The following THRB variants were observed in gnomAD, a reference collection of about 807,000 sequenced individuals.
THRB encodes the protein nuclear receptor subfamily 1 group A member 2.
Under a neutral mutation model 47.8 loss-of-function variants are expected in THRB, and 12 were observed. The ratio of observed to expected loss-of-function variants is 0.25; its 90% CI spans 0.16 to 0.41. THRB has a LOEUF of 0.41. Among genes scored for constraint, THRB ranks in the 10% least tolerant of loss-of-function variants. The pLI, the probability that THRB is intolerant of heterozygous loss-of-function variation, is 1.00. For synonymous variants in THRB, 218 were observed against 212.2 expected (o/e 1.03, Z -0.24); for missense variants, 348 against 589.2 (o/e 0.59, Z 4.24).
chr3:24,168,490 AATATATATAT>A (rs370230507), intron 5 of THRB, among the ~76,000 whole-genome samples: 2 of 137,972 alleles, frequency 1.4e-5, no homozygotes, highest in Non-Finnish European at 3.2e-5. Context: ...TTCAATCAAT[AATATATATAT>A]ATATATATAT....
intron 1 of THRB, among the ~76,000 whole-genome samples, chr3:24,380,816 G>A (rs552225819): frequency 3.9e-5 from 6 of 152,160 alleles, no homozygotes; most frequent in South Asian, 2.1e-4. Flanking sequence ...AAGGTCACAC[G>A]GTCAAAATTT....
intron 4 of THRB, among the ~76,000 whole-genome samples, chr3:24,227,889 A>G (rs1440088878): frequency 6.6e-6 from 1 of 152,168 alleles, no homozygotes; most frequent in East Asian, 1.9e-4. Context: ...GCTGGAAGGT[A>G]TATAGCTGAG....
intron 5 of THRB, among the ~76,000 whole-genome samples, chr3:24,174,302 AGCTT>A (rs1391459838): frequency 6.6e-6 from 1 of 152,206 alleles, no homozygotes; most frequent in African/African-American, 2.4e-5. Context: ...TTTTCGTTAC[AGCTT>A]GCTTATCTCT....
Position 24,218,340 on chromosome 3 carries a change from CTCTTTTTTT to C in THRB, c.22+10589_22+10597del, listed in dbSNP as rs2046817358. 3.4e-5 allele frequency among the ~76,000 whole-genome samples: 4 copies of C among 117,288 alleles called. No individual in the cohort carries two copies. The East Asian group carries it at 6.8e-4, about 20-fold the overall frequency. 76.9% of individuals were successfully genotyped at this position (117,288 alleles called of 152,430 possible). A position where few individuals can be genotyped will look rare whatever the true frequency, so the allele number is the denominator to read the frequency against. On this transcript the variant is annotated intron_variant, in intron 4 of 10. Coordinates refer to ENST00000646209, the MANE Select transcript of THRB (RefSeq NM_001354712.2). ...AAATTTTTTGTCTCTCTCTCTCTCT[CTCTTTTTTT>C]TTTTTTTTTTTTTAAAAAGAAAAGT...
At chr3:24,157,755 C>G (rs1323435276) in intron 5 of THRB, among the ~76,000 whole-genome samples, 1 of 152,142 alleles carries the variant, frequency 6.6e-6, no homozygotes, top group African/African-American at 2.4e-5. Flanking sequence ...TGGTCTTGAG[C>G]TCCTGGTTCA....
intron 4 of THRB, among the ~76,000 whole-genome samples, chr3:24,198,427 G>C (rs1234606510): frequency 7.2e-6 from 1 of 138,496 alleles, no homozygotes; most frequent in Non-Finnish European, 1.5e-5. Flanking sequence ...CAGAAATACA[G>C]TAAGTGTTCA....
chr3:24,356,639 C>G (rs1239702539), intron 1 of THRB, among the ~76,000 whole-genome samples: 1 of 152,108 alleles, frequency 6.6e-6, no homozygotes, highest in African/African-American at 2.4e-5. Flanking sequence ...AAAACTCTTC[C>G]AGCCTCTACC....
chr3:24,227,009 T>C (rs2047721634), intron 4 of THRB, among the ~76,000 whole-genome samples: 1 of 152,222 alleles, frequency 6.6e-6, no homozygotes, highest in African/African-American at 2.4e-5. Flanking sequence ...TCTCCCTAGA[T>C]GAACTGCACT....
intron 5 of THRB, among the ~76,000 whole-genome samples, chr3:24,154,571 C>T (rs1009365307): frequency 2.0e-5 from 3 of 152,220 alleles, no homozygotes; most frequent in African/African-American, 7.2e-5. Flanking sequence ...TACCACTTTA[C>T]ACTCACTAGT....
chr3:24,162,018 G>T (rs1396744212), intron 5 of THRB, among the ~76,000 whole-genome samples: 1 of 152,086 alleles, frequency 6.6e-6, no homozygotes, highest in Admixed American at 6.6e-5. Context: ...GAAGGTTTCT[G>T]TTTCAACAGA....
At position 24,120,170 on chromosome 3, in the gene THRB, TAGTTTCAG is replaced by T. The variant is rs986776110; in HGVS notation, c.*2706_*2713del. 1 of 152,228 alleles carries T rather than the reference TAGTTTCAG, an allele frequency of 6.6e-6. No individual in the cohort carries two copies. Among genetic ancestry groups the T allele is most frequent in the Non-Finnish European group, 1.5e-5 (1 of 68,060 alleles). The allele number at this position is 152,228 out of a possible 1,614,324, so 9.4% of individuals were successfully genotyped here. On this transcript the variant is annotated 3_prime_UTR_variant, in exon 11 of 11. Coordinates refer to ENST00000646209, the MANE Select transcript of THRB (RefSeq NM_001354712.2). ...CTGTCAGCTTCAGAAGGAAGGAGTTTAGTTTCAGAGTCATTATCTTTTGAGTCCTATGG... is the reference window on the plus strand; with the variant it reads ...CTGTCAGCTTCAGAAGGAAGGAGTTTAGTCATTATCTTTTGAGTCCTATGG...
At chr3:24,323,951 A>G (rs2058649285) in intron 2 of THRB, among the ~76,000 whole-genome samples, 3 of 152,304 alleles carry the variant, frequency 2.0e-5, no homozygotes, top group South Asian at 4.1e-4. Flanking sequence ...ACTGTTATAA[A>G]CCACCATAAT....
chr3:24,153,320 C>T (rs142772147), intron 5 of THRB, among the ~76,000 whole-genome samples: 1 of 152,274 alleles, frequency 6.6e-6, no homozygotes, highest in Non-Finnish European at 1.5e-5. Flanking sequence ...ACTAAAACCC[C>T]AGTCTCTTAA....
At chr3:24,485,840 T>C (rs1697211984) in intron 1 of THRB, among the ~76,000 whole-genome samples, 1 of 152,208 alleles carries the variant, frequency 6.6e-6, no homozygotes, top group Non-Finnish European at 1.5e-5. Context: ...AATATTTTAA[T>C]TGTCTGCTAA....
chr3:24,137,985 G>A (rs1371243641), intron 8 of THRB, among the ~76,000 whole-genome samples: 1 of 152,134 alleles, frequency 6.6e-6, no homozygotes, highest in South Asian at 2.1e-4. Flanking sequence ...GGTAGTGGGG[G>A]TGGAGGGTGC....
intron 1 of THRB, among the ~76,000 whole-genome samples, chr3:24,464,853 AGAGACTG>A (rs1194018160): frequency 6.6e-6 from 1 of 152,224 alleles, no homozygotes; most frequent in Admixed American, 6.5e-5. Flanking sequence ...ATAAAATAAT[AGAGACTG>A]TGGAAGTTAT....
chr3:24,182,374 C>A (rs2042019050), intron 5 of THRB, among the ~76,000 whole-genome samples: 1 of 152,106 alleles, frequency 6.6e-6, no homozygotes, highest in African/African-American at 2.4e-5. Context: ...CCAATAATAC[C>A]TTTCCAACTT....
chr3:24,254,494 T>G (rs558004134), intron 3 of THRB, among the ~76,000 whole-genome samples: 2 of 152,248 alleles, frequency 1.3e-5, no homozygotes, highest in South Asian at 4.1e-4. Context: ...AAAGAGTGGC[T>G]GCAAATATTT....
chr3:24,274,125 C>A (rs979140697), intron 3 of THRB, among the ~76,000 whole-genome samples: 2 of 152,034 alleles, frequency 1.3e-5, no homozygotes, highest in Non-Finnish European at 2.9e-5. Context: ...AAACTTGTTG[C>A]CTAGACATTC....
Sources: allele counts gnomAD v4.1 joint callset (sites outside exome capture counted in the v4.1 genomes callset), GRCh38; gene constraint gnomAD v4.1.1; transcripts MANE v1.5; gene names NCBI Gene and HGNC (gene_info 2026-07-23, HGNC 2026-07-21).